BTD: variants seen among roughly 807,000 people sequenced by gnomAD.
The protein encoded by BTD is biotinidase.
In BTD, 13 loss-of-function variants were observed where a neutral mutation model predicts 17.7. That is an observed-to-expected ratio of 0.74 (90% CI 0.48 to 1.17). The LOEUF (loss-of-function observed/expected upper bound fraction) is 1.17, where lower values mean the gene tolerates loss of function less well. Ranked by LOEUF, BTD falls within the 50% of genes most tolerant of loss-of-function variation. The pLI is 0.00. For missense variants in BTD, 674 were observed against 650.4 expected (o/e 1.04, Z -0.39); for synonymous variants, 240 against 245.2 (o/e 0.98, Z 0.20).
At position 15,685,495 on chromosome 3, in the gene BTD, C is replaced by T. The variant is rs370675026; in HGVS notation, c.400-24565C>T. The T allele has an allele frequency of 4.9e-5, 77 of 1,559,114 alleles. No homozygotes were observed. The African/African-American group carries it at 9.3e-4, about 19-fold the overall frequency. On this transcript the variant is annotated intron_variant, in intron 3 of 3. Coordinates refer to the BTD transcript ENST00000672141. ...GTCAAACATATTATGCTAAACATTA[C>T]ATGCCAATTTCAGCTAATTAAAAAC...
chr3:15,640,326 A>T (rs2065462526), intron 2 of BTD, among the ~76,000 whole-genome samples: 1 of 152,164 alleles, frequency 6.6e-6, no homozygotes, highest in South Asian at 2.1e-4. Context: ...ATAATAGAGG[A>T]TAAATTATGG....
At chr3:15,630,634 G>A (rs1183819405) in intron 1 of BTD, among the ~76,000 whole-genome samples, 1 of 152,146 alleles carries the variant, frequency 6.6e-6, no homozygotes. Context: ...AAGGCACAGT[G>A]CACAGTTACA....
intron 1 of BTD, among the ~76,000 whole-genome samples, chr3:15,615,120 A>C (rs1432006376): frequency 6.6e-6 from 1 of 152,148 alleles, no homozygotes; most frequent in Non-Finnish European, 1.5e-5. Context: ...AACCCAGGAC[A>C]CTCAGTCTTC....
intron 1 of BTD, among the ~76,000 whole-genome samples, chr3:15,615,345 C>T (rs1261226643): frequency 6.6e-6 from 1 of 152,156 alleles, no homozygotes; most frequent in Non-Finnish European, 1.5e-5. Flanking sequence ...ATGAGATGTA[C>T]AAGTTTCTAC....
chr3:15,631,202 G>A (rs1451011307), intron 1 of BTD, among the ~76,000 whole-genome samples: 2 of 152,210 alleles, frequency 1.3e-5, no homozygotes, highest in Non-Finnish European at 1.5e-5. Flanking sequence ...TAATGACTTA[G>A]CAGTTCCCTC....
intron 3 of BTD, chr3:15,685,410 T>C (rs1053957844): frequency 1.2e-6 from 2 of 1,613,546 alleles, no homozygotes; most frequent in Non-Finnish European, 1.7e-6. Flanking sequence ...CATGTTGAAG[T>C]AATGCATCTA....
chr3:15,679,670 C>T (rs1478900491), intron 3 of BTD: 2 of 802,000 alleles, frequency 2.5e-6, no homozygotes, highest in East Asian at 5.3e-5. Flanking sequence ...TCTCCCTCAT[C>T]CCATCTCCCA....
exon 4 of BTD, chr3:15,711,116 G>T: frequency 2.2e-5 from 23 of 1,031,474 alleles, no homozygotes; most frequent in South Asian, 7.5e-5. Context: ...TCTATTTTCT[G>T]GCAGCCCAGA....
intron 1 of BTD, among the ~76,000 whole-genome samples, chr3:15,631,918 AGG>A: frequency 6.6e-6 from 1 of 152,300 alleles, no homozygotes; most frequent in East Asian, 1.9e-4. Context: ...GGACAAATGC[AGG>A]GGGATGTTAG....
intron 3 of BTD, chr3:15,696,080 A>G (rs1458055185): frequency 5.8e-6 from 7 of 1,202,690 alleles, no homozygotes; most frequent in Non-Finnish European, 8.2e-6. Context: ...TTTTTGTTAC[A>G]TTATTAGACT....
intron 3 of BTD, chr3:15,685,949 G>A (rs1030114407): frequency 3.3e-5 from 45 of 1,359,540 alleles, no homozygotes; most frequent in Non-Finnish European, 4.0e-5. Context: ...TCAGTTCTAG[G>A]TAATATGAGG....
exon 4 of BTD, chr3:15,711,072 GA>G (rs1198363335): frequency 1.2e-5 from 8 of 648,008 alleles, no homozygotes; most frequent in Non-Finnish European, 2.1e-5. Flanking sequence ...TGCCACCCTG[GA>G]CTTTTTTTTC....
intron 3 of BTD, chr3:15,695,251 G>A (rs1466960729): frequency 1.4e-6 from 2 of 1,468,820 alleles, no homozygotes; most frequent in South Asian, 2.4e-5. Context: ...TTTAGCTTGG[G>A]AAGTATTCAT....
At chr3:15,701,180 C>T (rs1416958152) in intron 3 of BTD, among the ~76,000 whole-genome samples, 1 of 152,212 alleles carries the variant, frequency 6.6e-6, no homozygotes, top group Non-Finnish European at 1.5e-5. Flanking sequence ...TATTTCAATG[C>T]TAACACTTAT....
chr3:15,674,174 C>CAAAAAAAAAAAAAAAAAAAAAAAAAA (rs34806568), intron 3 of BTD, among the ~76,000 whole-genome samples: 1 of 40,286 alleles, frequency 2.5e-5, no homozygotes, highest in African/African-American at 1.1e-4. Context: ...CCTGCCTCTT[C>CAAAAAAAAAAAAAAAAAAAAAAAAAA]AAAAAAAAAA....
chr3:15,720,979 G>A (rs757262381), intron 4 of BTD: 2 of 1,613,862 alleles, frequency 1.2e-6, no homozygotes, highest in Admixed American at 3.3e-5. Flanking sequence ...ATGTGTTGAT[G>A]CAGCAGCAAA....
chr3:15,635,542 G>A lies in BTD; in HGVS notation c.103G>A (p.Ala35Thr), dbSNP rs1020171739. ...GEESVADHHE[A>T]EYYVAAVYEH... is the part of the protein sequence containing the mutation. ...GGAGAGCGTGGCTGACCATCACGAG[G>A]CTGAATATTATGTGGCTGCCGTGTA... The change falls in exon 2 of 4, where the codon GCT (alanine) becomes ACT (threonine). Residue 35 changes from alanine to threonine, a missense_variant. By Grantham distance (58) the Ala-to-Thr change is moderately conservative. Transcript: ENST00000643237. The surrounding 1 kb of genome is among the most constrained non-coding windows in gnomAD (Gnocchi z 4.1). The A allele has an allele frequency of 2.5e-6, 4 of 1,614,160 alleles. No individual in the cohort carries two copies. Among genetic ancestry groups the A allele is most frequent in the Non-Finnish European group, 3.4e-6 (4 of 1,180,034 alleles).
intron 3 of BTD, among the ~76,000 whole-genome samples, chr3:15,692,176 G>A (rs1443518507): frequency 6.6e-6 from 1 of 151,196 alleles, no homozygotes; most frequent in Non-Finnish European, 1.5e-5. Context: ...ATGAGGTTGG[G>A]CATGGTCACT....
chr3:15,624,108 A>G (rs1400411588), intron 1 of BTD, among the ~76,000 whole-genome samples: 2 of 152,156 alleles, frequency 1.3e-5, no homozygotes, highest in Non-Finnish European at 2.9e-5. Flanking sequence ...TATAGATAAG[A>G]TGTTTTTTCC....
Sources: gnomAD v4.1 joint callset for allele counts (sites outside exome capture counted in the v4.1 genomes callset) on GRCh38, gnomAD v4.1.1 for gene constraint, Gnocchi (gnomAD v3.1) non-coding constraint, MANE v1.5 for transcripts, NCBI Gene and HGNC (gene_info 2026-07-23, HGNC 2026-07-21) for gene names.